Variants in MRTFA observed in about 807,000 individuals in gnomAD.
MRTFA encodes the protein myocardin-related transcription factor A.
Under a neutral mutation model 83.5 loss-of-function variants are expected in MRTFA, and 20 were observed. That is an observed-to-expected ratio of 0.24 (90% CI 0.17 to 0.35). The LOEUF (loss-of-function observed/expected upper bound fraction) is 0.35, where lower values mean the gene tolerates loss of function less well. Ranked by LOEUF, MRTFA falls within the 10% of genes least tolerant of loss-of-function variation. The pLI, the probability that MRTFA is intolerant of heterozygous loss-of-function variation, is 1.00. For synonymous variants in MRTFA, 659 were observed against 541.2 expected (o/e 1.22, Z -3.02); for missense variants, 1,200 against 1,224.7 (o/e 0.98, Z 0.30).
intron 2 of MRTFA, among the ~76,000 whole-genome samples, chr22:40,577,232 G>A (rs1241444886): frequency 1.0e-5 from 1 of 100,460 alleles, no homozygotes; most frequent in Non-Finnish European, 1.9e-5. Context: ...TAAGACCCTT[G>A]TCTAAAAAAA....
intron 1 of MRTFA, among the ~76,000 whole-genome samples, chr22:40,631,346 T>C (rs1333649852): frequency 1.3e-5 from 2 of 152,200 alleles, no homozygotes; most frequent in Non-Finnish European, 2.9e-5. Flanking sequence ...GATAATGACA[T>C]GCATGTAAAG....
intron 4 of MRTFA, among the ~76,000 whole-genome samples, chr22:40,446,301 G>C (rs1216226625): frequency 6.6e-6 from 1 of 152,170 alleles, no homozygotes; most frequent in African/African-American, 2.4e-5. Flanking sequence ...TTGCAAAATA[G>C]CAAGGACTGC....
chr22:40,471,749 G>A (rs1286414677), intron 3 of MRTFA, among the ~76,000 whole-genome samples: 3 of 152,132 alleles, frequency 2.0e-5, no homozygotes, highest in Non-Finnish European at 4.4e-5. Flanking sequence ...GCAAGTGCCT[G>A]TTGTCCAAAC....
At chr22:40,567,249 T>C (rs1463880011) in intron 2 of MRTFA, among the ~76,000 whole-genome samples, 1 of 152,234 alleles carries the variant, frequency 6.6e-6, no homozygotes, top group African/African-American at 2.4e-5. Context: ...CTTCATTACA[T>C]TCCTTGAACT....
At chr22:40,503,110 G>A (rs749615819) in intron 3 of MRTFA, among the ~76,000 whole-genome samples, 4 of 152,122 alleles carry the variant, frequency 2.6e-5, no homozygotes, top group Non-Finnish European at 4.4e-5. Flanking sequence ...AAGCTGTACT[G>A]TGTATCATCA....
intron 7 of MRTFA, among the ~76,000 whole-genome samples, chr22:40,427,331 G>C (rs1019212441): frequency 6.6e-6 from 1 of 152,156 alleles, no homozygotes; most frequent in Non-Finnish European, 1.5e-5. Context: ...GCCCAGTGTG[G>C]GCCAGCCTCC....
intron 2 of MRTFA, among the ~76,000 whole-genome samples, chr22:40,564,936 C>A (rs2055681240): frequency 6.6e-6 from 1 of 152,104 alleles, no homozygotes; most frequent in Admixed American, 6.5e-5. Context: ...CAGGCATGAG[C>A]CACCCTGCCT....
In MRTFA at chr22:40,417,043, T is replaced by C. The variant is rs1405441405; in HGVS notation, c.2521A>G (p.Asn841Asp). Residue 841 changes from asparagine (N) to aspartate (D), a missense_variant, in exon 14 of 15, where the codon AAT becomes GAT. Coordinates refer to ENST00000355630, the MANE Select transcript of MRTFA (RefSeq NM_020831.6). ...TCCATCTGCTGGCTTGAGGAACCATTTTCCTGTGGGACAAAGGAAAAAAAA... is the reference window on the plus strand; with the variant it reads ...TCCATCTGCTGGCTTGAGGAACCATCTTCCTGTGGGACAAAGGAAAAAAAA... 6.3e-7 allele frequency: 1 copy of C among 1,592,740 alleles called. No homozygotes were observed. Among genetic ancestry groups the C allele is most frequent in the Non-Finnish European group, 8.6e-7 (1 of 1,169,576 alleles).
At chr22:40,429,541 C>T in intron 7 of MRTFA, 65 bp downstream of exon 7, 1 of 1,593,486 alleles carries the variant, frequency 6.3e-7, no homozygotes. Context: ...TCTGCTTCAG[C>T]CTGGCACTCC....
chr22:40,499,740 A>G (rs1252305546), intron 3 of MRTFA, among the ~76,000 whole-genome samples: 1 of 152,172 alleles, frequency 6.6e-6, no homozygotes, highest in African/African-American at 2.4e-5. Flanking sequence ...GAAGGCATAC[A>G]TAAAACACAA....
At chr22:40,578,720 G>A (rs149875304) in intron 2 of MRTFA, among the ~76,000 whole-genome samples, 14 of 152,142 alleles carry the variant, frequency 9.2e-5, no homozygotes, top group Non-Finnish European at 1.3e-4. Flanking sequence ...CTAGGAGTTC[G>A]AGAAACATGG....
At chr22:40,486,150 T>C (rs2054171059) in intron 3 of MRTFA, among the ~76,000 whole-genome samples, 1 of 152,220 alleles carries the variant, frequency 6.6e-6, no homozygotes, top group South Asian at 2.1e-4. Flanking sequence ...CCCAGGATCC[T>C]GGTGTACCTT....
intron 2 of MRTFA, among the ~76,000 whole-genome samples, chr22:40,582,599 A>T (rs1191083307): frequency 6.6e-6 from 1 of 152,094 alleles, no homozygotes; most frequent in Non-Finnish European, 1.5e-5. Flanking sequence ...ATAGTCTAAA[A>T]AAAAACTTCC....
chr22:40,536,453 C>G (rs1413389958), intron 3 of MRTFA, among the ~76,000 whole-genome samples: 1 of 147,496 alleles, frequency 6.8e-6, no homozygotes, highest in Non-Finnish European at 1.5e-5. Flanking sequence ...CCCCGCGGGG[C>G]CCGAGGGCAA....
chr22:40,414,490 T>A (rs930072169), intron 14 of MRTFA, among the ~76,000 whole-genome samples: 1 of 152,120 alleles, frequency 6.6e-6, no homozygotes, highest in Admixed American at 6.5e-5. Flanking sequence ...CAGCCACAGA[T>A]GAATGGATGA....
intron 2 of MRTFA, among the ~76,000 whole-genome samples, chr22:40,559,321 G>A (rs923977204): frequency 1.3e-5 from 2 of 152,186 alleles, no homozygotes; most frequent in African/African-American, 4.8e-5. Context: ...CAGGGAGGCT[G>A]AGGCTGCAGT....
intron 1 of MRTFA, among the ~76,000 whole-genome samples, chr22:40,616,344 G>C (rs1468917802): frequency 6.6e-6 from 1 of 152,186 alleles, no homozygotes; most frequent in Non-Finnish European, 1.5e-5. Context: ...AGGCTTGAGG[G>C]AAGAGGAAAG....
At chr22:40,594,499 C>T (rs2056163799) in intron 2 of MRTFA, among the ~76,000 whole-genome samples, 175 bp downstream of exon 2, 1 of 151,924 alleles carries the variant, frequency 6.6e-6, no homozygotes, top group Non-Finnish European at 1.5e-5. Flanking sequence ...TAGATGTAGT[C>T]CACAACATTA....
At chr22:40,417,192 G>A (rs886368929) in intron 13 of MRTFA, 146 bp from the exon 14 acceptor site, 101 of 1,360,650 alleles carry the variant, frequency 7.4e-5, no homozygotes, top group Non-Finnish European at 5.3e-5. Flanking sequence ...CCTGGAGCCC[G>A]TCCCCTAACA....
Sources: allele counts gnomAD v4.1 joint callset (sites outside exome capture counted in the v4.1 genomes callset), GRCh38; gene constraint gnomAD v4.1.1; transcripts MANE v1.5; gene names NCBI Gene and HGNC (gene_info 2026-07-23, HGNC 2026-07-21).